The following CYP3A5 variants were observed in gnomAD, a reference collection of about 807,000 sequenced individuals.
The protein encoded by CYP3A5 is cytochrome P450 family 3 subfamily A member 5.
CYP3A5 carries 51 observed loss-of-function variants against 55.9 expected under a neutral mutation model. That is an observed-to-expected ratio of 0.91 (90% CI 0.73 to 1.15). CYP3A5 has a LOEUF of 1.15. Among genes scored for constraint, CYP3A5 ranks in the 50% most tolerant of loss-of-function variants. The pLI is 0.00. For synonymous variants in CYP3A5, 196 were observed against 213.9 expected (o/e 0.92, Z 0.73); for missense variants, 533 against 596.6 (o/e 0.89, Z 1.11).
At position 99,663,757 on chromosome 7, in the gene CYP3A5, G is replaced by A. The variant is rs28383474; in HGVS notation, c.798+211C>T. 780 of 1,224,314 alleles carry A rather than the reference G, an allele frequency of 6.4e-4. 4 individuals are homozygous for A. In the African/African-American group the frequency reaches 0.012, roughly 18 times the overall value. 75.8% of individuals were successfully genotyped at this position (1,224,314 alleles called of 1,614,324 possible). A position where few individuals can be genotyped will look rare whatever the true frequency, so the allele number is the denominator to read the frequency against. ...TATATCATGACATACTAATTGTTGT[G>A]CCTGATTTCAAGTTTTAAATGCTAT... is the stretch of plus-strand genomic sequence containing the variant. On this transcript the variant is annotated intron_variant, in intron 8 of 12. Transcript: ENST00000222982.
In CYP3A5 at chr7:99,662,954, C is replaced by T; in HGVS notation, c.799-72G>A. 6.3e-7 allele frequency: 1 copy of T among 1,593,390 alleles called. No individual in the cohort carries two copies. The highest frequency in any genetic ancestry group is 1.3e-5 in the African/African-American group (1 of 74,472). ...GTCAGAAGTAAATCAAAAGTGCAGTCCTCAACCTCCCTTCTTGACTTCCCT... is the reference window on the plus strand; with the variant it reads ...GTCAGAAGTAAATCAAAAGTGCAGTTCTCAACCTCCCTTCTTGACTTCCCT... On this transcript the variant is annotated intron_variant, in intron 8 of 12. Coordinates refer to ENST00000222982, the MANE Select transcript of CYP3A5 (RefSeq NM_000777.5). This position sits in a 1 kb window ranked among gnomAD's most constrained non-coding sequence, Gnocchi z 4.3.
chr7:99,672,405 T>G (rs746441479), intron 4 of CYP3A5, among the ~76,000 whole-genome samples, 175 bp downstream of exon 4: 6 of 152,072 alleles, frequency 3.9e-5, no homozygotes, highest in Non-Finnish European at 7.4e-5. Context: ...ATACTAGATA[T>G]ATATTGCAAT....
chr7:99,653,924 A>G lies in CYP3A5; in HGVS notation c.1027-1145T>C, dbSNP rs74390495. On this transcript the variant is annotated intron_variant, in intron 10 of 12. Coordinates refer to ENST00000222982, the MANE Select transcript of CYP3A5 (RefSeq NM_000777.5). The surrounding 1 kb of genome is among the most constrained non-coding windows in gnomAD (Gnocchi z 4.2). ...AGTGGCTACCTGACTGGAACATGAG[A>G]CAGGTGTGGGGAGAGCTGAGTCAGC... Among the ~76,000 whole-genome samples, 2,622 of 152,270 alleles carry G rather than the reference A, an allele frequency of 0.017. 86 individuals carry two copies. Among genetic ancestry groups the G allele is most frequent in the African/African-American group, 0.058 (2,424 of 41,530 alleles).
intron 8 of CYP3A5, chr7:99,663,409 C>T (rs1227517986): frequency 7.1e-6 from 7 of 990,596 alleles, no homozygotes; most frequent in African/African-American, 1.7e-5. Flanking sequence ...AGACATCCTT[C>T]GGCTGGCCTC....
intron 4 of CYP3A5, among the ~76,000 whole-genome samples, chr7:99,670,418 T>C (rs1057460577): frequency 6.6e-6 from 1 of 152,226 alleles, no homozygotes; most frequent in African/African-American, 2.4e-5. Context: ...TGGCTAAACA[T>C]GGTCCTGTGA....
rs1253984117 is a variant in CYP3A5 at position 99,653,086 on chromosome 7, A to G, written c.1027-307T>C. Among the ~76,000 whole-genome samples the G allele has an allele frequency of 3.9e-5, 6 of 152,192 alleles. No homozygotes were observed. Among genetic ancestry groups the G allele is most frequent in the East Asian group, 1.9e-4 (1 of 5,202 alleles). ...GGGAAGAAATGTGATTAATGGGGCT[A>G]TGACCATTACCACCAAATAAAATAC... is the stretch of plus-strand genomic sequence containing the variant. On this transcript the variant is annotated intron_variant, in intron 10 of 12. Transcript: ENST00000222982. This position sits in a 1 kb window ranked among gnomAD's most constrained non-coding sequence, Gnocchi z 4.2.
At chr7:99,657,636 C>T (rs1229287251) in intron 10 of CYP3A5, among the ~76,000 whole-genome samples, 1 of 152,116 alleles carries the variant, frequency 6.6e-6, no homozygotes, top group Non-Finnish European at 1.5e-5. Context: ...CCTGGATATC[C>T]TTCTTAACTT....
At position 99,650,235 on chromosome 7, in the gene CYP3A5, A is replaced by T. The variant is rs770461230; in HGVS notation, c.1254-3T>A. 2 of 1,612,710 alleles carry T rather than the reference A, an allele frequency of 1.2e-6. No individual in the cohort carries two copies. The highest frequency in any genetic ancestry group is 2.2e-5 in the South Asian group (2 of 90,872). ...TGCTGTCCTTCTTCTTACTGAACCTAGTTCCATATTGGTAGATTAAATAGT... is the reference window on the plus strand; with the variant it reads ...TGCTGTCCTTCTTCTTACTGAACCTTGTTCCATATTGGTAGATTAAATAGT... On this transcript the variant is annotated splice_polypyrimidine_tract_variant and splice_region_variant and intron_variant, in intron 11 of 12. Transcript: ENST00000222982.
intron 5 of CYP3A5, 21 bp from the exon 6 acceptor site, chr7:99,666,710 T>C (rs745554489): frequency 1.7e-5 from 27 of 1,613,844 alleles, no homozygotes; most frequent in South Asian, 3.3e-5. Context: ...AACAGATCAG[T>C]ACCTGTAGTT....
chr7:99,648,388 A>G lies in CYP3A5; in HGVS notation c.1426T>C (p.Leu476=), dbSNP rs1562981940. Reference sequence around the variant, plus strand: ...GGTTGAAGAAGTCCTTGCGTGTCTAATTTCAAGGGGATCTACAATAGTTAA... The same window carrying G: ...GGTTGAAGAAGTCCTTGCGTGTCTAGTTTCAAGGGGATCTACAATAGTTAA... ...PCKETQIPLK[L]DTQGLLQPEK... The change falls in exon 13 of 13, where the codon TTA becomes CTA. Residue 476 remains leucine (L), a synonymous_variant. Transcript: ENST00000222982. The G allele has an allele frequency of 5.0e-6, 8 of 1,606,880 alleles. No homozygotes were observed. The highest frequency in any genetic ancestry group is 6.8e-6 in the Non-Finnish European group (8 of 1,175,452).
chr7:99,649,103 G>T (rs1808903288), intron 12 of CYP3A5, among the ~76,000 whole-genome samples: 1 of 152,162 alleles, frequency 6.6e-6, no homozygotes, highest in African/African-American at 2.4e-5. Flanking sequence ...AAAGCAAATT[G>T]CCATGGATAC....
chr7:99,673,603 A>C (rs1811910832), intron 3 of CYP3A5, among the ~76,000 whole-genome samples: 1 of 152,254 alleles, frequency 6.6e-6, no homozygotes, highest in Admixed American at 6.5e-5. Flanking sequence ...AGTGGAGCAT[A>C]AGTGGTTTCC....
intron 3 of CYP3A5, 51 bp from the exon 4 acceptor site, chr7:99,672,730 C>T: frequency 6.2e-7 from 1 of 1,610,896 alleles, no homozygotes; most frequent in Non-Finnish European, 8.5e-7. Flanking sequence ...GATTCTGCAG[C>T]TGGAGCCACA....
rs1303343223 is a variant in CYP3A5, at chr7:99,674,578, C to G, written c.173G>C (p.Trp58Ser). Residue 58 changes from tryptophan (W) to serine (S), a missense_variant, in exon 3 of 13, where the codon TGG (tryptophan) becomes TCG (serine). Transcript: ENST00000222982. ...GNVLSYRQGL[W>S]KFDTECYKKY... is the part of the protein sequence containing the mutation. ...TTTATAGCACTCTGTGTCAAATTTC[C>G]AGAGACCCTGGGAGAGGAAACAAAA... 8 of 1,613,362 alleles carry G rather than the reference C, an allele frequency of 5.0e-6. No homozygotes were observed. The South Asian group carries it at 8.8e-5, about 18-fold the overall frequency.
chr7:99,661,067 A>G (rs1306223270), intron 9 of CYP3A5, among the ~76,000 whole-genome samples: 2 of 152,232 alleles, frequency 1.3e-5, no homozygotes, highest in African/African-American at 4.8e-5. Context: ...ATAGAGCTTG[A>G]CAGACTTTGA....
At chr7:99,660,395 A>T in intron 10 of CYP3A5, 104 bp downstream of exon 10, 1 of 1,477,714 alleles carries the variant, frequency 6.8e-7, no homozygotes, top group Non-Finnish European at 9.0e-7. Context: ...CAGTGAAGGA[A>T]TCAGTGATTA....
chr7:99,657,985 G>A (rs535646604), intron 10 of CYP3A5, among the ~76,000 whole-genome samples: 9 of 152,264 alleles, frequency 5.9e-5, no homozygotes, highest in African/African-American at 1.2e-4. Flanking sequence ...TACTTTGCAC[G>A]TGAGATGGGT....
intron 8 of CYP3A5, chr7:99,663,343 A>G (rs1246694460): frequency 1.0e-6 from 1 of 993,686 alleles, no homozygotes; most frequent in African/African-American, 1.8e-5. Flanking sequence ...ACATTCTCAA[A>G]CTCTATATAA....
intron 10 of CYP3A5, among the ~76,000 whole-genome samples, chr7:99,655,691 T>C (rs368234744): frequency 6.6e-6 from 1 of 152,248 alleles, no homozygotes; most frequent in Non-Finnish European, 1.5e-5. Context: ...TTTCATGATA[T>C]TGATTCTTCC....
Sources: allele counts gnomAD v4.1 joint callset (sites outside exome capture counted in the v4.1 genomes callset), GRCh38; gene constraint gnomAD v4.1.1; non-coding constraint Gnocchi (gnomAD v3.1); transcripts MANE v1.5; gene names NCBI Gene and HGNC (gene_info 2026-07-23, HGNC 2026-07-21).